The following PLD5 variants were observed in gnomAD, a reference collection of about 807,000 sequenced individuals.
PLD5 encodes the protein inactive phospholipase D5.
PLD5 carries 36 observed loss-of-function variants against 61.1 expected under a neutral mutation model. The observed-to-expected ratio is 0.59, with a 90% CI of 0.45 to 0.78. The LOEUF (loss-of-function observed/expected upper bound fraction) is 0.78, where lower values mean the gene tolerates loss of function less well. PLD5 is among the 30% of genes least tolerant of loss of function. The pLI is 0.00. For missense variants in PLD5, 515 were observed against 644.4 expected, an observed-to-expected ratio of 0.80 and a Z score of 2.17; for synonymous variants, 243 against 242.8, an observed-to-expected ratio of 1.00 and a Z score of -0.01.
At chr1:242,503,022 C>A (rs894292012) in intron 1 of PLD5, among the ~76,000 whole-genome samples, 3 of 152,160 alleles carry the variant, frequency 2.0e-5, no homozygotes, top group African/African-American at 7.2e-5. Flanking sequence ...GATCATGCCA[C>A]TACACTCCAG....
At chr1:242,160,948 C>T (rs1665775701) in intron 5 of PLD5, among the ~76,000 whole-genome samples, 2 of 151,510 alleles carry the variant, frequency 1.3e-5, no homozygotes, top group South Asian at 2.1e-4. Context: ...TTATAAGATA[C>T]TAGATACAAT....
At chr1:242,112,321 G>GTGTA (rs1240993231) in intron 7 of PLD5, among the ~76,000 whole-genome samples, 1 of 82,448 alleles carries the variant, frequency 1.2e-5, no homozygotes, top group African/African-American at 5.9e-5. Flanking sequence ...GTGTGTGTGT[G>GTGTA]TGTATGTATG....
chr1:242,291,785 T>C (rs1410169125), intron 2 of PLD5, among the ~76,000 whole-genome samples: 1 of 151,894 alleles, frequency 6.6e-6, no homozygotes, highest in Non-Finnish European at 1.5e-5. Context: ...CCAGCCTGGG[T>C]GACAGAGCGA....
At chr1:242,331,383 T>C (rs779101340) in intron 2 of PLD5, among the ~76,000 whole-genome samples, 1 of 152,246 alleles carries the variant, frequency 6.6e-6, no homozygotes, top group Non-Finnish European at 1.5e-5. Context: ...AAAGGACAAA[T>C]GTCACTGCTG....
At chr1:242,372,242 C>G (rs557917864) in intron 1 of PLD5, among the ~76,000 whole-genome samples, 61 of 152,086 alleles carry the variant, frequency 4.0e-4, no homozygotes, top group Non-Finnish European at 5.7e-4. Context: ...AAGCCATGCC[C>G]ATAGCACAGC....
intron 3 of PLD5, among the ~76,000 whole-genome samples, chr1:242,271,656 A>C (rs1182794023): frequency 6.6e-6 from 1 of 152,152 alleles, no homozygotes; most frequent in East Asian, 1.9e-4. Context: ...ATATTTGCAG[A>C]TATAAACAGA....
Position 242,114,371 on chromosome 1 carries a change from G to T in PLD5, c.934-345C>A, listed in dbSNP as rs141921592. Reference sequence around the variant, plus strand: ...TATAATGTATAGTGATGAGATTATGGTAATTAGCATATCTATCATCTCAAA... The same window carrying T: ...TATAATGTATAGTGATGAGATTATGTTAATTAGCATATCTATCATCTCAAA... On this transcript the variant is annotated intron_variant, in intron 6 of 9. Coordinates refer to ENST00000536534, the MANE Select transcript of PLD5 (RefSeq NM_001372062.1). Among the ~76,000 whole-genome samples the T allele has an allele frequency of 2.8e-3, 428 of 152,214 alleles. 2 individuals are homozygous for T. The highest frequency in any genetic ancestry group is 4.9e-3 in the Non-Finnish European group (331 of 68,016).
chr1:242,409,417 A>C (rs1664420290), intron 1 of PLD5, among the ~76,000 whole-genome samples: 1 of 152,060 alleles, frequency 6.6e-6, no homozygotes, highest in Non-Finnish European at 1.5e-5. Context: ...CATTTATCAC[A>C]TAAGCGGAAA....
At chr1:242,171,131 G>A (rs1666719473) in intron 5 of PLD5, among the ~76,000 whole-genome samples, 1 of 152,290 alleles carries the variant, frequency 6.6e-6, no homozygotes, top group African/African-American at 2.4e-5. Flanking sequence ...GTTAAGGGCA[G>A]CCAGAGAGAA....
At chr1:242,510,143 A>G (rs115880685) in intron 1 of PLD5, among the ~76,000 whole-genome samples, 1 of 152,248 alleles carries the variant, frequency 6.6e-6, no homozygotes, top group African/African-American at 2.4e-5. Flanking sequence ...ATCTCAGATA[A>G]TAGTGTCTTG....
chr1:242,135,473 C>G (rs1433746914), intron 5 of PLD5, among the ~76,000 whole-genome samples: 2 of 152,194 alleles, frequency 1.3e-5, no homozygotes, highest in African/African-American at 4.8e-5. Context: ...CTGCTGCTGC[C>G]TGACTCAAAC....
At chr1:242,381,195 G>GC (rs1295563730) in intron 1 of PLD5, among the ~76,000 whole-genome samples, 2 of 152,150 alleles carry the variant, frequency 1.3e-5, no homozygotes, top group Admixed American at 6.6e-5. Flanking sequence ...TTGCACATAT[G>GC]CCCCATGGAA....
chr1:242,102,721 A>G (rs990675725), intron 8 of PLD5, among the ~76,000 whole-genome samples: 9 of 152,226 alleles, frequency 5.9e-5, no homozygotes, highest in African/African-American at 2.2e-4. Context: ...GTAAGAGTTT[A>G]TCACCCATCT....
intron 1 of PLD5, among the ~76,000 whole-genome samples, chr1:242,407,708 A>G (rs1353417120): frequency 6.6e-6 from 1 of 151,890 alleles, no homozygotes; most frequent in Non-Finnish European, 1.5e-5. Context: ...CCTCCTGAGT[A>G]GCTGGGATTA....
intron 1 of PLD5, chr1:242,449,323 T>G: frequency 6.5e-7 from 1 of 1,536,058 alleles, no homozygotes; most frequent in East Asian, 2.4e-5. Flanking sequence ...GGTAACACAC[T>G]AGGTCTGTAG....
chr1:242,357,328 T>C (rs1660807262), intron 1 of PLD5, among the ~76,000 whole-genome samples: 1 of 150,908 alleles, frequency 6.6e-6, no homozygotes, highest in Admixed American at 6.6e-5. Context: ...GGTAATATAT[T>C]GCTTGTCTCT....
At chr1:242,392,438 G>A (rs544427204) in intron 1 of PLD5, among the ~76,000 whole-genome samples, 5 of 152,170 alleles carry the variant, frequency 3.3e-5, no homozygotes, top group Admixed American at 6.5e-5. Flanking sequence ...GTGAAAAGGC[G>A]AATGTAAGCT....
intron 4 of PLD5, among the ~76,000 whole-genome samples, chr1:242,245,945 T>G (rs1672328889): frequency 6.6e-6 from 1 of 152,146 alleles, no homozygotes; most frequent in African/African-American, 2.4e-5. Context: ...ACGCCCAAGT[T>G]TCTTTGAAAA....
intron 2 of PLD5, among the ~76,000 whole-genome samples, chr1:242,330,870 C>T (rs539818443): frequency 2.0e-5 from 3 of 152,276 alleles, no homozygotes; most frequent in African/African-American, 7.2e-5. Flanking sequence ...CATAGTTTTA[C>T]AGATGGGGAA....
Sources: gnomAD v4.1 joint callset for allele counts (sites outside exome capture counted in the v4.1 genomes callset) on GRCh38, gnomAD v4.1.1 for gene constraint, MANE v1.5 for transcripts, NCBI Gene and HGNC (gene_info 2026-07-23, HGNC 2026-07-21) for gene names.